The following IGLL5 variants were observed in gnomAD, a reference collection of about 807,000 sequenced individuals.
IGLL5 encodes immunoglobulin lambda-like polypeptide 5.
A neutral mutation model predicts 20.9 loss-of-function variants in IGLL5; 30 were observed. The observed-to-expected ratio is 1.44, with a 90% confidence interval of 1.07 to 1.95. The LOEUF (loss-of-function observed/expected upper bound fraction) is 1.95. Ranked by LOEUF, IGLL5 falls within the 30% of genes most tolerant of loss-of-function variation. The pLI, the probability that IGLL5 is intolerant of heterozygous loss-of-function variation, is 0.00. For missense variants in IGLL5, 475 were observed against 270.7 expected, an observed-to-expected ratio of 1.75 and a Z score of -5.30; for synonymous variants, 203 against 117.3, an observed-to-expected ratio of 1.73 and a Z score of -4.72.
chr22:22,888,307 T>C (rs553889452), intron 1 of IGLL5, 48 bp downstream of exon 1: 4 of 1,521,516 alleles, frequency 2.6e-6, no homozygotes, highest in Non-Finnish European at 3.6e-6. Flanking sequence ...GCAGCAGAGC[T>C]GGGAAAGGGT....
At position 22,894,803 on chromosome 22, in the gene IGLL5, G is replaced by A. The variant is rs371310925; in HGVS notation, c.326-572G>A. Reference sequence around the variant, plus strand: ...GAGCCTCAGAGGAGCCCTGAGGCTTGTCTAGGTGGAGCCCACTCCTTGCCA... The same window carrying A: ...GAGCCTCAGAGGAGCCCTGAGGCTTATCTAGGTGGAGCCCACTCCTTGCCA... On this transcript the variant is annotated intron_variant, in intron 2 of 2. Transcript: ENST00000526893. 1.1e-3 allele frequency among the ~76,000 whole-genome samples: 171 copies of A among 151,416 alleles called. 8 individuals are homozygous for A. The South Asian group carries it at 0.034, about 30-fold the overall frequency.
chr22:22,890,553 T>TTGTGTGTGTGTGTGTGTGTGTG (rs3029157), intron 1 of IGLL5, among the ~76,000 whole-genome samples: 1 of 120,930 alleles, frequency 8.3e-6, no homozygotes, highest in African/African-American at 3.0e-5. Context: ...CAGTGGAAAT[T>TTGTGTGTGTGTGTGTGTGTGTG]TGTGTGTGTG....
At chr22:22,893,929 A>T (rs1337377998) in intron 2 of IGLL5, 111 bp downstream of exon 2, 4 of 801,804 alleles carry the variant, frequency 5.0e-6, no homozygotes, top group Admixed American at 1.9e-5. Context: ...TTAAGCACTG[A>T]CCCTTACCTT....
intron 1 of IGLL5, among the ~76,000 whole-genome samples, chr22:22,890,178 G>C (rs1162254272): frequency 6.9e-6 from 1 of 145,214 alleles, no homozygotes; most frequent in African/African-American, 2.6e-5. Context: ...AAAAAAAAAA[G>C]ATTAAGCAGA....
At chr22:22,894,439 A>C (rs903979999) in intron 2 of IGLL5, among the ~76,000 whole-genome samples, 3 of 151,470 alleles carry the variant, frequency 2.0e-5, no homozygotes, top group Middle Eastern at 3.8e-3. Context: ...GAGGTGCCAG[A>C]ATCCAACCCT....
At chr22:22,894,429 G>A (rs1601626308) in intron 2 of IGLL5, among the ~76,000 whole-genome samples, 1 of 151,506 alleles carries the variant, frequency 6.6e-6, no homozygotes, top group African/African-American at 2.4e-5. Context: ...GAGACTGGGT[G>A]AGGTGCCAGA....
At chr22:22,889,274 A>C (rs2067702975) in intron 1 of IGLL5, among the ~76,000 whole-genome samples, 2 of 151,140 alleles carry the variant, frequency 1.3e-5, no homozygotes, top group Admixed American at 6.6e-5. Flanking sequence ...GTTTCCTATG[A>C]AATGGGAGCA....
Position 22,893,693 on chromosome 22 carries a change from C to T in IGLL5, c.207-7C>T. 6.3e-7 allele frequency: 1 copy of T among 1,592,916 alleles called. No individual in the cohort carries two copies. Among genetic ancestry groups the T allele is most frequent in the Admixed American group, 1.7e-5 (1 of 57,954 alleles). On this transcript the variant is annotated splice_region_variant and splice_polypyrimidine_tract_variant and intron_variant, in intron 1 of 2. Coordinates refer to ENST00000526893, the MANE Select transcript of IGLL5 (RefSeq NM_001178126.2). The stretch of plus-strand genomic sequence containing the variant: ...CACTGCAACCCTGTGCCCGTCATGC[C>T]CAGCAGGCTCCTGCTCCAGCCCAGC...
At position 22,895,663 on chromosome 22, in the gene IGLL5, A is replaced by G. The variant is rs1223234899; in HGVS notation, c.614A>G (p.Glu205Gly). Residue 205 changes from glutamate to glycine, a missense_variant, in exon 3 of 3, where the codon GAG (glutamate) becomes GGG (glycine). Physicochemically the swap from Glu to Gly is moderately conservative, Grantham distance 98. Coordinates refer to ENST00000526893, the MANE Select transcript of IGLL5 (RefSeq NM_001178126.2). ...CQVTHEGSTVEKTVAPTECS is the reference protein window; with the variant it reads ...CQVTHEGSTVGKTVAPTECS ...GTCACGCATGAAGGGAGCACCGTGG[A>G]GAAGACAGTGGCCCCTACAGAATGT... is the stretch of plus-strand genomic sequence containing the variant. 6.2e-7 allele frequency: 1 copy of G among 1,613,276 alleles called. No homozygotes were observed.
intron 2 of IGLL5, among the ~76,000 whole-genome samples, 192 bp downstream of exon 2, chr22:22,894,010 A>C (rs759162780): frequency 6.6e-6 from 1 of 151,494 alleles, no homozygotes; most frequent in Admixed American, 6.6e-5. Flanking sequence ...CAGTGGGAGC[A>C]GCCGGATGCA....
At chr22:22,888,374 C>G (rs1214894152) in intron 1 of IGLL5, 115 bp downstream of exon 1, 7 of 885,734 alleles carry the variant, frequency 7.9e-6, no homozygotes, top group African/African-American at 1.7e-5. Context: ...TAAGAGGGGC[C>G]TGGGCTGACA....
intron 1 of IGLL5, among the ~76,000 whole-genome samples, chr22:22,892,250 T>G (rs2067871197): frequency 6.6e-6 from 1 of 151,300 alleles, no homozygotes; most frequent in African/African-American, 2.4e-5. Flanking sequence ...TTATATTAAA[T>G]TCTGTTTCAA....
Position 22,892,186 on chromosome 22 carries a change from G to C in IGLL5, c.207-1514G>C, listed in dbSNP as rs1241985103. ...AATTTTCTTCAGTAACTTAATAAAA[G>C]GCTAAATGTTTGCTTTCTTTATATG... On this transcript the variant is annotated intron_variant, in intron 1 of 2. Transcript: ENST00000526893. Among the ~76,000 whole-genome samples the C allele has an allele frequency of 2.6e-5, 4 of 151,064 alleles. No individual in the cohort carries two copies. The East Asian group carries it at 8.1e-4, about 30-fold the overall frequency.
At position 22,893,780 on chromosome 22, in the gene IGLL5, G is replaced by C. The variant is rs554273075; in HGVS notation, c.287G>C (p.Cys96Ser). 1 of 1,605,468 alleles carries C rather than the reference G, an allele frequency of 6.2e-7. No individual in the cohort carries two copies. The highest frequency in any genetic ancestry group is 8.5e-7 in the Non-Finnish European group (1 of 1,176,148). Residue 96 changes from cysteine to serine, a missense_variant, in exon 2 of 3, where the codon TGT becomes TCT. Coordinates refer to ENST00000526893, the MANE Select transcript of IGLL5 (RefSeq NM_001178126.2). ...TTTTGGTCTGAGCCTCAGTCACTGT[G>C]TTATGTCTTCGGAACTGGGACCAAG... The part of the protein sequence containing the change: ...RGFWSEPQSL[C>S]YVFGTGTKVT...
rs12169431 is a variant in IGLL5 at position 22,888,760 on chromosome 22, C to A, written c.206+501C>A. Among the ~76,000 whole-genome samples the A allele has an allele frequency of 3.3e-5, 5 of 151,306 alleles. No homozygotes were observed. In the East Asian group the frequency reaches 6.1e-4, roughly 18 times the overall value. On this transcript the variant is annotated intron_variant, in intron 1 of 2. Transcript: ENST00000526893. Reference sequence around the variant, plus strand: ...TCACCAACTTGCACATAAATGCTTACTGGGGCCAGGCTCAAGGACACAGGG... The same window carrying A: ...TCACCAACTTGCACATAAATGCTTAATGGGGCCAGGCTCAAGGACACAGGG...
At chr22:22,889,459 T>C (rs1357783751) in intron 1 of IGLL5, among the ~76,000 whole-genome samples, 1 of 151,286 alleles carries the variant, frequency 6.6e-6, no homozygotes, top group East Asian at 2.0e-4. Context: ...GTTGGGGGAA[T>C]AATCAAAGCT....
At position 22,891,066 on chromosome 22, in the gene IGLL5, G is replaced by A. The variant is rs183930325; in HGVS notation, c.207-2634G>A. 2.3e-3 allele frequency among the ~76,000 whole-genome samples: 348 copies of A among 151,044 alleles called. 1 individual carries two copies. Among genetic ancestry groups the A allele is most frequent in the African/African-American group, 7.7e-3 (318 of 41,168 alleles). On this transcript the variant is annotated intron_variant, in intron 1 of 2. Transcript: ENST00000526893. The stretch of plus-strand genomic sequence containing the variant: ...GTTTTACGGGTCTTTTGTTTATGGG[G>A]TCTCCCACCATAAAACTGTGGTAAA...
chr22:22,892,355 T>A (rs2146019815), intron 1 of IGLL5, among the ~76,000 whole-genome samples: 1 of 151,248 alleles, frequency 6.6e-6, no homozygotes, highest in Non-Finnish European at 1.5e-5. Flanking sequence ...TATCTTCCAA[T>A]GTGAATAAAT....
chr22:22,888,837 C>T (rs536173124), intron 1 of IGLL5, among the ~76,000 whole-genome samples: 2 of 151,438 alleles, frequency 1.3e-5, no homozygotes, highest in African/African-American at 2.4e-5. Flanking sequence ...AGGCCCACGG[C>T]CCATGTTTGG....
Sources: allele counts gnomAD v4.1 joint callset (sites outside exome capture counted in the v4.1 genomes callset), GRCh38; gene constraint gnomAD v4.1.1; transcripts MANE v1.5; gene names NCBI Gene and HGNC (gene_info 2026-07-23, HGNC 2026-07-21).